Variants in RDX observed in about 807,000 individuals in gnomAD.
RDX encodes the protein radixin.
A neutral mutation model predicts 83.7 loss-of-function variants in RDX; 32 were observed. The observed-to-expected ratio is 0.38, with a 90% confidence interval of 0.29 to 0.51. The LOEUF is 0.51. RDX is among the 20% of genes least tolerant of loss of function. The pLI is 0.87. For synonymous variants in RDX, 229 were observed against 222.7 expected, an observed-to-expected ratio of 1.03 and a Z score of -0.25; for missense variants, 600 against 689.9, an observed-to-expected ratio of 0.87 and a Z score of 1.46.
At chr11:110,216,883 T>G (rs1864074324) in intron 14 of RDX, among the ~76,000 whole-genome samples, 1 of 152,202 alleles carries the variant, frequency 6.6e-6, no homozygotes, top group Admixed American at 6.5e-5. Flanking sequence ...ATAGTATATT[T>G]GAATGTTTTT....
At chr11:110,295,214 G>A (rs1251187359) in intron 1 of RDX, among the ~76,000 whole-genome samples, 1 of 151,254 alleles carries the variant, frequency 6.6e-6, no homozygotes, top group Non-Finnish European at 1.5e-5. Context: ...TGCTGTTTTG[G>A]CAAATGGATC....
rs565418524 is a variant in RDX, at chr11:110,246,497, G to A, written c.1090+1206C>T. ...GCATTCAAAGAAAATGCCCAGGGCCGGGCATGGTGGCTCACGCCTGTAATC... is the reference window on the plus strand; with the variant it reads ...GCATTCAAAGAAAATGCCCAGGGCCAGGCATGGTGGCTCACGCCTGTAATC... On this transcript the variant is annotated intron_variant, in intron 10 of 13. Coordinates refer to ENST00000645495, the MANE Select transcript of RDX (RefSeq NM_002906.4). Among the ~76,000 whole-genome samples, 256 of 152,236 alleles carry A rather than the reference G, an allele frequency of 1.7e-3. 2 individuals are homozygous for A. The highest frequency in any genetic ancestry group is 0.016 in the South Asian group (76 of 4,826).
At chr11:110,236,359 C>T (rs1397374722) in intron 11 of RDX, 168 bp from the exon 12 acceptor site, 1 of 600,902 alleles carries the variant, frequency 1.7e-6, no homozygotes, top group African/African-American at 1.9e-5. Context: ...ACAATAAGTC[C>T]TTTAGGTAAT....
chr11:110,253,752 T>C (rs939590271), intron 9 of RDX, 194 bp downstream of exon 9: 23 of 578,570 alleles, frequency 4.0e-5, no homozygotes, highest in South Asian at 6.9e-5. Flanking sequence ...CTTCGAGATA[T>C]GTGTCAAAGA....
chr11:110,219,817 G>A (rs1267050170), intron 14 of RDX, among the ~76,000 whole-genome samples: 1 of 152,186 alleles, frequency 6.6e-6, no homozygotes, highest in African/African-American at 2.4e-5. Context: ...TATGTAGAGA[G>A]TTAAATATAT....
At chr11:110,191,345 T>C (rs1196969016) in intron 15 of RDX, among the ~76,000 whole-genome samples, 1 of 152,212 alleles carries the variant, frequency 6.6e-6, no homozygotes. Context: ...TCTTAACAGA[T>C]GCAGAAAAAT....
chr11:110,208,102 G>A (rs918758824), intron 14 of RDX, among the ~76,000 whole-genome samples: 12 of 151,850 alleles, frequency 7.9e-5, no homozygotes, highest in Middle Eastern at 3.2e-3. Context: ...TTACAGGCAT[G>A]AGCCACCATG....
chr11:110,245,893 A>C (rs1268573063), intron 10 of RDX, among the ~76,000 whole-genome samples: 2 of 152,284 alleles, frequency 1.3e-5, no homozygotes, highest in African/African-American at 2.4e-5. Flanking sequence ...GATGGAATTC[A>C]CTTTGATATT....
chr11:110,285,825 C>T (rs145949435), intron 1 of RDX, among the ~76,000 whole-genome samples: 1 of 151,050 alleles, frequency 6.6e-6, no homozygotes, highest in East Asian at 1.9e-4. Flanking sequence ...TAAAATGTCA[C>T]ATGGAAAACA....
At chr11:110,199,474 A>G in intron 15 of RDX, 1 of 662,518 alleles carries the variant, frequency 1.5e-6, no homozygotes, top group Non-Finnish European at 2.8e-6. Context: ...CTGTGGATGA[A>G]CAGGTTCAGA....
At chr11:110,255,745 GT>G (rs1320288907) in intron 7 of RDX, among the ~76,000 whole-genome samples, 4 of 151,886 alleles carry the variant, frequency 2.6e-5, no homozygotes, top group African/African-American at 4.8e-5. Flanking sequence ...TTAAATATGT[GT>G]AAGAAGTGGG....
intron 14 of RDX, among the ~76,000 whole-genome samples, chr11:110,209,932 TCTC>T (rs1157538206): frequency 1.3e-5 from 2 of 148,222 alleles, no homozygotes; most frequent in African/African-American, 4.9e-5. Context: ...GCAGAGTGCC[TCTC>T]CTCCTCCAAA....
At chr11:110,279,992 C>T (rs1860691252) in intron 1 of RDX, among the ~76,000 whole-genome samples, 1 of 152,142 alleles carries the variant, frequency 6.6e-6, no homozygotes, top group African/African-American at 2.4e-5. Flanking sequence ...ACACACTGAT[C>T]TAACCAGAAG....
chr11:110,236,272 G>A (rs1189093772), intron 11 of RDX, 81 bp from the exon 12 acceptor site: 6 of 1,001,208 alleles, frequency 6.0e-6, no homozygotes, highest in Admixed American at 4.0e-5. Flanking sequence ...TAATGCACAT[G>A]CTTAGGCTGT....
intron 14 of RDX, among the ~76,000 whole-genome samples, chr11:110,215,560 T>C (rs1864021792): frequency 6.6e-6 from 1 of 152,124 alleles, no homozygotes; most frequent in Non-Finnish European, 1.5e-5. Flanking sequence ...TCAAGGAGGT[T>C]GGTCTTCAAT....
intron 15 of RDX, among the ~76,000 whole-genome samples, chr11:110,175,578 G>A (rs950481732): frequency 2.0e-5 from 3 of 152,254 alleles, no homozygotes; most frequent in African/African-American, 7.2e-5. Context: ...CTGGGTGGGT[G>A]GGTGTCAGTG....
chr11:110,207,873 C>T (rs1268919745), intron 14 of RDX, among the ~76,000 whole-genome samples: 1 of 152,106 alleles, frequency 6.6e-6, no homozygotes, highest in East Asian at 1.9e-4. Flanking sequence ...TTGATAGAAT[C>T]TACTAGTCTA....
chr11:110,255,263 C>T, intron 8 of RDX, 26 bp downstream of exon 8: 1 of 1,198,148 alleles, frequency 8.3e-7, no homozygotes, highest in Non-Finnish European at 1.2e-6. Context: ...ACAGTTAATA[C>T]ACAAAATATT....
At chr11:110,201,735 C>G (rs1863412862) in intron 14 of RDX, among the ~76,000 whole-genome samples, 1 of 152,024 alleles carries the variant, frequency 6.6e-6, no homozygotes, top group South Asian at 2.1e-4. Context: ...GGACGCAAAC[C>G]TAGTTGAACT....
Sources: allele counts gnomAD v4.1 joint callset (sites outside exome capture counted in the v4.1 genomes callset), GRCh38; gene constraint gnomAD v4.1.1; transcripts MANE v1.5; gene names NCBI Gene and HGNC (gene_info 2026-07-23, HGNC 2026-07-21).